FAM210A: variants seen among roughly 807,000 people sequenced by gnomAD.
FAM210A encodes the protein mitochondrial inner membrane scaffold 1.
Under a neutral mutation model 25.3 loss-of-function variants are expected in FAM210A, and 13 were observed. That is an observed-to-expected ratio of 0.51 (90% CI 0.33 to 0.82). The LOEUF (loss-of-function observed/expected upper bound fraction) is 0.82, where lower values mean the gene tolerates loss of function less well. Ranked by LOEUF, FAM210A falls within the 40% of genes least tolerant of loss-of-function variation. The pLI, the probability that FAM210A is intolerant of heterozygous loss-of-function variation, is 0.02. For synonymous variants in FAM210A, 125 were observed against 118.7 expected (o/e 1.05, Z -0.35); for missense variants, 319 against 323.2 (o/e 0.99, Z 0.10).
chr18:13,720,333 G>T (rs2043889031), intron 1 of FAM210A, among the ~76,000 whole-genome samples: 1 of 152,174 alleles, frequency 6.6e-6, no homozygotes. Flanking sequence ...CTGTTGTAGA[G>T]GCGCCTTTTG....
chr18:13,706,803 C>T (rs927089801), intron 1 of FAM210A, among the ~76,000 whole-genome samples: 3 of 152,132 alleles, frequency 2.0e-5, no homozygotes, highest in African/African-American at 7.2e-5. Flanking sequence ...GCACTTGTGG[C>T]CTATGAAGAA....
intron 1 of FAM210A, among the ~76,000 whole-genome samples, 164 bp from the exon 2 acceptor site, chr18:13,682,269 T>C (rs2043561901): frequency 1.3e-5 from 2 of 152,158 alleles, no homozygotes; most frequent in African/African-American, 4.8e-5. Context: ...ACAGTGTAAT[T>C]TTAAAATCTC....
chr18:13,698,549 T>G (rs1459025635), intron 1 of FAM210A, among the ~76,000 whole-genome samples: 1 of 152,076 alleles, frequency 6.6e-6, no homozygotes, highest in Non-Finnish European at 1.5e-5. Context: ...TAGTCCAAAC[T>G]GCTTTTGTAA....
At chr18:13,721,663 T>C (rs1038913291) in intron 1 of FAM210A, among the ~76,000 whole-genome samples, 11 of 152,144 alleles carry the variant, frequency 7.2e-5, no homozygotes, top group Non-Finnish European at 4.4e-5. Flanking sequence ...AGTATGTCTA[T>C]ACCAGTTATG....
At chr18:13,682,432 G>C (rs1333572973) in intron 1 of FAM210A, among the ~76,000 whole-genome samples, 2 of 152,154 alleles carry the variant, frequency 1.3e-5, no homozygotes, top group East Asian at 3.9e-4. Flanking sequence ...GCCAGGTGTG[G>C]TGGTGGGCAC....
chr18:13,711,258 C>T (rs1371769839), intron 1 of FAM210A, among the ~76,000 whole-genome samples: 1 of 152,150 alleles, frequency 6.6e-6, no homozygotes, highest in African/African-American at 2.4e-5. Flanking sequence ...GTAATCCCAG[C>T]TTCTTGGGAG....
rs1200719615 is a variant in FAM210A at position 13,666,503 on chromosome 18, A to C, written c.796T>G (p.Ser266Ala). 11 of 1,613,556 alleles carry C rather than the reference A, an allele frequency of 6.8e-6. No individual in the cohort carries two copies. Among genetic ancestry groups the C allele is most frequent in the African/African-American group, 1.3e-5 (1 of 74,806 alleles). Residue 266 changes from serine to alanine, a missense_variant, in exon 4 of 4, where the codon TCC becomes GCC. Coordinates refer to ENST00000651643, the MANE Select transcript of FAM210A (RefSeq NM_152352.4). ...EKLQETKEKV[S>A]FKKKVE is the part of the protein sequence containing the mutation. ...CCTTATTCCACTTTTTTCTTAAAGG[A>C]AACTTTTTCTTTGGTTTCTTGTAAC... is the stretch of plus-strand genomic sequence containing the variant.
intron 1 of FAM210A, among the ~76,000 whole-genome samples, chr18:13,687,431 G>A (rs2043606703): frequency 6.6e-6 from 1 of 152,250 alleles, no homozygotes; most frequent in South Asian, 2.1e-4. Context: ...TTGAATGAAG[G>A]CACCAGGGAG....
At chr18:13,724,520 G>A (rs1352604308) in intron 1 of FAM210A, among the ~76,000 whole-genome samples, 2 of 152,132 alleles carry the variant, frequency 1.3e-5, no homozygotes, top group Non-Finnish European at 2.9e-5. Flanking sequence ...TTATTTTAAT[G>A]TCCAGAAAAC....
At position 13,713,374 on chromosome 18, in the gene FAM210A, A is replaced by G. The variant is rs1449281165; in HGVS notation, c.-29+12955T>C. Among the ~76,000 whole-genome samples, 4 of 152,256 alleles carry G rather than the reference A, an allele frequency of 2.6e-5. 1 individual carries two copies. The highest frequency in any genetic ancestry group is 4.1e-4 in the South Asian group (2 of 4,822). Reference sequence around the variant, plus strand: ...GGCCTTTTGTCCAAGTTAGCATGATATATTTCTTCTATTCTTAGTCCTCCT... The same window carrying G: ...GGCCTTTTGTCCAAGTTAGCATGATGTATTTCTTCTATTCTTAGTCCTCCT... On this transcript the variant is annotated intron_variant, in intron 1 of 3. Transcript: ENST00000651643.
chr18:13,670,031 TC>T (rs2149050970), intron 3 of FAM210A, among the ~76,000 whole-genome samples: 1 of 152,186 alleles, frequency 6.6e-6, no homozygotes, highest in Admixed American at 6.5e-5. Flanking sequence ...GGCACTCATC[TC>T]CCTACCATGA....
At chr18:13,712,338 C>G (rs2043828340) in intron 1 of FAM210A, among the ~76,000 whole-genome samples, 1 of 152,126 alleles carries the variant, frequency 6.6e-6, no homozygotes, top group Non-Finnish European at 1.5e-5. Context: ...GCAATTAATG[C>G]AGAACTTAAA....
At position 13,681,792 on chromosome 18, in the gene FAM210A, A is replaced by C. The variant is rs1386805676; in HGVS notation, c.286T>G (p.Phe96Val). ...CCCTGAGCTGTGGCACTGGATGAAA[A>C]AACCCTCCTGAATGAAACATGTTGC... is the stretch of plus-strand genomic sequence containing the variant. ...GKQHVSFRRV[F>V]SSSATAQGTP... is the part of the protein sequence containing the mutation. The change falls in exon 2 of 4, where the codon TTT (phenylalanine) becomes GTT (valine). Residue 96 changes from phenylalanine to valine, a missense_variant. Coordinates refer to ENST00000651643, the MANE Select transcript of FAM210A (RefSeq NM_152352.4). 1.2e-6 allele frequency: 2 copies of C among 1,614,120 alleles called. No individual in the cohort carries two copies. Among genetic ancestry groups the C allele is most frequent in the Non-Finnish European group, 8.5e-7 (1 of 1,180,026 alleles).
At chr18:13,689,547 T>A (rs1355154750) in intron 1 of FAM210A, among the ~76,000 whole-genome samples, 1 of 152,176 alleles carries the variant, frequency 6.6e-6, no homozygotes, top group Non-Finnish European at 1.5e-5. Flanking sequence ...AACTCATCCA[T>A]ACTTAATGGT....
intron 2 of FAM210A, among the ~76,000 whole-genome samples, chr18:13,675,684 T>C (rs199621859): frequency 1.3e-4 from 10 of 79,106 alleles, no homozygotes; most frequent in Admixed American, 3.8e-4. Flanking sequence ...AGTTTCCTGA[T>C]TATTAACATT....
chr18:13,718,526 C>CA (rs752693975), intron 1 of FAM210A, among the ~76,000 whole-genome samples: 4,193 of 142,152 alleles, frequency 0.029, 77 homozygotes, highest in Middle Eastern at 0.068. Context: ...GATTAAAGGC[C>CA]AAAAAAAAAA....
chr18:13,724,187 G>T (rs913910100), intron 1 of FAM210A, among the ~76,000 whole-genome samples: 4 of 151,460 alleles, frequency 2.6e-5, no homozygotes, highest in African/African-American at 9.7e-5. Context: ...TTTTCTCTCG[G>T]GACATCATAA....
intron 1 of FAM210A, among the ~76,000 whole-genome samples, chr18:13,718,432 G>T (rs1047786836): frequency 6.6e-6 from 1 of 151,946 alleles, no homozygotes; most frequent in African/African-American, 2.4e-5. Context: ...AAACTGAGAG[G>T]CCCCTTAGTA....
chr18:13,711,636 C>A (rs2043822669), intron 1 of FAM210A, among the ~76,000 whole-genome samples: 1 of 152,212 alleles, frequency 6.6e-6, no homozygotes, highest in South Asian at 2.1e-4. Flanking sequence ...TATCATGGAG[C>A]TTCCTTCCTG....
Sources: allele counts gnomAD v4.1 joint callset (sites outside exome capture counted in the v4.1 genomes callset), GRCh38; gene constraint gnomAD v4.1.1; transcripts MANE v1.5; gene names NCBI Gene and HGNC (gene_info 2026-07-23, HGNC 2026-07-21).